LGSN: variants seen among roughly 807,000 people sequenced by gnomAD.
The protein encoded by LGSN is lengsin, lens protein with glutamine synthetase domain.
LGSN carries 21 observed loss-of-function variants against 19.5 expected under a neutral mutation model. That is an observed-to-expected ratio of 1.07 (90% CI 0.76 to 1.55). The LOEUF is 1.55. Among genes scored for constraint, LGSN ranks in the 40% most tolerant of loss-of-function variants. LGSN has a pLI of 0.00. For synonymous variants in LGSN, 257 were observed against 215.6 expected (o/e 1.19, Z -1.68); for missense variants, 673 against 608.5 (o/e 1.11, Z -1.12).
the LGSN span, among the ~76,000 whole-genome samples, chr6:63,381,390 C>T: frequency 1.2e-4 from 18 of 152,240 alleles, no homozygotes; most frequent in South Asian, 3.3e-3. Context: ...GTTTAACAAC[C>T]GCTCTTAAAT....
the LGSN span, among the ~76,000 whole-genome samples, chr6:63,424,506 CAG>C: frequency 3.6e-5 from 4 of 109,994 alleles, no homozygotes; most frequent in Admixed American, 1.8e-4. Context: ...AAACCAAAAC[CAG>C]ACACACACAC....
the LGSN span, among the ~76,000 whole-genome samples, chr6:63,367,593 A>G: frequency 2.7e-5 from 4 of 148,324 alleles, no homozygotes; most frequent in African/African-American, 1.1e-4. Flanking sequence ...ATTACTGGGT[A>G]TACACCCAAA....
chr6:63,299,657 GA>G (rs1206012119), intron 1 of LGSN, among the ~76,000 whole-genome samples: 1 of 152,110 alleles, frequency 6.6e-6, no homozygotes, highest in Non-Finnish European at 1.5e-5. Flanking sequence ...AAATTTTTCT[GA>G]AAATTTTAAC....
the LGSN span, chr6:63,549,054 G>A: frequency 2.8e-6 from 2 of 722,054 alleles, no homozygotes; most frequent in Non-Finnish European, 2.5e-6. Flanking sequence ...CACCGGCTGA[G>A]CTTTCTTATT....
the LGSN span, among the ~76,000 whole-genome samples, chr6:63,326,530 A>C: frequency 2.2e-4 from 34 of 152,322 alleles, no homozygotes; most frequent in African/African-American, 7.7e-4. Flanking sequence ...CTTGGGCCGC[A>C]CAGGAGCCCA....
At chr6:63,508,062 GT>G in the LGSN span, among the ~76,000 whole-genome samples, 81,384 of 151,904 alleles carry the variant, frequency 0.54, 23,614 homozygotes, top group African/African-American at 0.77. Context: ...CCAATTCATG[GT>G]TAACTGTTCA....
chr6:63,569,212 C>T, the LGSN span, among the ~76,000 whole-genome samples: 2 of 152,196 alleles, frequency 1.3e-5, no homozygotes, highest in Non-Finnish European at 2.9e-5. Flanking sequence ...TCTTCCTCTG[C>T]ACTCTTGCCT....
the LGSN span, among the ~76,000 whole-genome samples, chr6:63,326,288 G>C: frequency 1.1e-3 from 167 of 152,174 alleles, 1 homozygote; most frequent in African/African-American, 3.7e-3. Flanking sequence ...TACAAACCTT[G>C]AGCTAGATAC....
the LGSN span, among the ~76,000 whole-genome samples, chr6:63,422,062 T>G: frequency 6.6e-6 from 1 of 151,878 alleles, no homozygotes; most frequent in South Asian, 2.1e-4. Context: ...CCAAAAAAAT[T>G]TTTTGTTGTT....
the LGSN span, among the ~76,000 whole-genome samples, chr6:63,358,916 T>C: frequency 2.0e-5 from 3 of 152,212 alleles, no homozygotes; most frequent in Non-Finnish European, 2.9e-5. Flanking sequence ...GTGCCAGTTT[T>C]CAAAGGGAAT....
chr6:63,515,908 A>G, the LGSN span, among the ~76,000 whole-genome samples: 1 of 152,240 alleles, frequency 6.6e-6, no homozygotes, highest in Non-Finnish European at 1.5e-5. Flanking sequence ...AACCATCTAA[A>G]TGTAATACTT....
the LGSN span, among the ~76,000 whole-genome samples, chr6:63,560,338 C>CAAAAA: frequency 9.9e-5 from 5 of 50,396 alleles, no homozygotes; most frequent in South Asian, 7.5e-4. Context: ...GACTCCGTCT[C>CAAAAA]AAAAAAAAAA....
At chr6:63,431,057 T>C in the LGSN span, among the ~76,000 whole-genome samples, 1 of 152,204 alleles carries the variant, frequency 6.6e-6, no homozygotes, top group African/African-American at 2.4e-5. Flanking sequence ...TCTAAAACTT[T>C]GTAGTCTACA....
At chr6:63,357,517 C>T in the LGSN span, among the ~76,000 whole-genome samples, 308 of 152,228 alleles carry the variant, frequency 2.0e-3, 6 homozygotes, top group African/African-American at 7.0e-3. Context: ...TTTTAATGAT[C>T]GCCATTCTAA....
At position 63,296,850 on chromosome 6, in the gene LGSN, T is replaced by C. The variant is rs532663088; in HGVS notation, c.31-1805A>G. ...AATAACTTGCCCCAGGCCACAAGAG[T>C]GAATGAAAGATGCAGTTTCTAAAAA... On this transcript the variant is annotated intron_variant, in intron 1 of 3. Coordinates refer to ENST00000370657, the MANE Select transcript of LGSN (RefSeq NM_016571.3). Among the ~76,000 whole-genome samples, 79 of 151,902 alleles carry C rather than the reference T, an allele frequency of 5.2e-4. No individual in the cohort carries two copies. The South Asian group carries it at 6.9e-3, about 13-fold the overall frequency.
the LGSN span, among the ~76,000 whole-genome samples, chr6:63,361,742 G>C: frequency 6.6e-6 from 1 of 152,014 alleles, no homozygotes; most frequent in African/African-American, 2.4e-5. Context: ...CAACTCCTTC[G>C]TCGCTCAGGC....
intron 1 of LGSN, among the ~76,000 whole-genome samples, chr6:63,298,284 T>C (rs1481866765): frequency 3.9e-5 from 6 of 152,206 alleles, no homozygotes; most frequent in Admixed American, 2.0e-4. Context: ...CATGCGTTTG[T>C]GTTTTGACTA....
At chr6:63,324,461 C>T (rs1342156499), upstream of LGSN, among the ~76,000 whole-genome samples, 1 of 152,196 alleles carries the variant, frequency 6.6e-6, no homozygotes, top group Non-Finnish European at 1.5e-5. Context: ...ACTGAGAATA[C>T]ACATTGTCTT....
At chr6:63,368,161 T>C in the LGSN span, among the ~76,000 whole-genome samples, 2 of 152,034 alleles carry the variant, frequency 1.3e-5, no homozygotes, top group Non-Finnish European at 2.9e-5. Flanking sequence ...ATTTGACTTT[T>C]CGTTGTTTTT....
Sources: allele counts gnomAD v4.1 joint callset (sites outside exome capture counted in the v4.1 genomes callset), GRCh38; gene constraint gnomAD v4.1.1; transcripts MANE v1.5; gene names NCBI Gene and HGNC (gene_info 2026-07-23, HGNC 2026-07-21).